Variants in PRPF40B observed in about 807,000 individuals in gnomAD.
PRPF40B encodes pre-mRNA-processing factor 40 homolog B.
Under a neutral mutation model 124.5 loss-of-function variants are expected in PRPF40B, and 56 were observed. That is an observed-to-expected ratio of 0.45 (90% CI 0.36 to 0.56). PRPF40B has a LOEUF of 0.56. Ranked by LOEUF, PRPF40B falls within the 20% of genes least tolerant of loss-of-function variation. PRPF40B has a pLI of 0.00. For synonymous variants in PRPF40B, 443 were observed against 426.4 expected, an observed-to-expected ratio of 1.04 and a Z score of -0.48; for missense variants, 1,053 against 1,169.5, an observed-to-expected ratio of 0.90 and a Z score of 1.45.
Position 49,630,606 on chromosome 12 carries a change from C to G in PRPF40B, c.65C>G (p.Pro22Arg). The G allele has an allele frequency of 7.5e-7, 1 of 1,325,114 alleles. No homozygotes were observed. The highest frequency in any genetic ancestry group is 1.1e-6 in the Non-Finnish European group (1 of 918,474). 82.1% of individuals were successfully genotyped at this position (1,325,114 alleles called of 1,614,324 possible). A position where few individuals can be genotyped will look rare whatever the true frequency, so the allele number is the denominator to read the frequency against. The change falls in exon 2 of 26, where the codon CCC (proline) becomes CGC (arginine). Residue 22 changes from proline to arginine, a missense_variant. Pro to Arg is a moderately radical substitution (Grantham distance 103). Transcript: ENST00000548825. ...AAPAPFPPGP[P>R]MMPPPFMPPP... ...CCTGCCCCCTTCCCACCGGGGCCCC[C>G]CATGATGCCACCACCCTTCGTAAGT...
chr12:49,624,454 C>G lies in PRPF40B; in HGVS notation c.3+861C>G, dbSNP rs1455968185. 2.0e-5 allele frequency among the ~76,000 whole-genome samples: 3 copies of G among 152,264 alleles called. No individual in the cohort carries two copies. The East Asian group carries it at 5.8e-4, about 29-fold the overall frequency. ...TTATCCTGTTGGAGGGATGGAAGAA[C>G]TCTAAGGAGAGGAGGAGGTTGAAAC... is the stretch of plus-strand genomic sequence containing the variant. On this transcript the variant is annotated intron_variant, in intron 1 of 25. Transcript: ENST00000548825.
At chr12:49,622,751 G>C (rs1940323396), upstream of PRPF40B, 1 of 152,338 alleles carries the variant, frequency 6.6e-6, no homozygotes, top group Admixed American at 6.5e-5. Flanking sequence ...GGGGAATAAA[G>C]GGAACAGGAA....
Position 49,631,477 on chromosome 12 carries a change from C to A in PRPF40B, c.161C>A (p.Pro54His). 2 of 1,532,744 alleles carry A rather than the reference C, an allele frequency of 1.3e-6. No homozygotes were observed. Among genetic ancestry groups the A allele is most frequent in the Non-Finnish European group, 1.7e-6 (2 of 1,145,454 alleles). 94.9% of individuals were successfully genotyped at this position (1,532,744 alleles called of 1,614,324 possible). A position where few individuals can be genotyped will look rare whatever the true frequency, so the allele number is the denominator to read the frequency against. The change falls in exon 3 of 26, where the codon CCC (proline) becomes CAC (histidine). Residue 54 changes from proline (P) to histidine (H), a missense_variant. Pro to His is a moderately conservative substitution (Grantham distance 77). Coordinates refer to ENST00000548825, the MANE Select transcript of PRPF40B (RefSeq NM_001031698.3). The surrounding 1 kb of genome is among the most constrained non-coding windows in gnomAD (Gnocchi z 4.3). ...PPMSQRPPAI[P>H]PMPPGILPPM... ...ATGAGTCAGAGACCACCAGCTATCC[C>A]CCCCATGCCACCTGGCATCCTGCCC...
chr12:49,642,637 C>T lies in PRPF40B; in HGVS notation c.2080C>T (p.Arg694Trp), dbSNP rs755027407. 3.7e-6 allele frequency: 6 copies of T among 1,614,184 alleles called. No individual in the cohort carries two copies. The highest frequency in any genetic ancestry group is 3.3e-5 in the Admixed American group (2 of 60,034). Residue 694 changes from arginine (R) to tryptophan (W), a missense_variant, in exon 21 of 26, where the codon CGG becomes TGG. Arg to Trp is a moderately radical substitution (Grantham distance 101, BLOSUM62 -3). Coordinates refer to ENST00000548825, the MANE Select transcript of PRPF40B (RefSeq NM_001031698.3). This position sits in a 1 kb window ranked among gnomAD's most constrained non-coding sequence, Gnocchi z 5.8. ...TGAGCAGATCACCCTGGAGTCGGAG[C>T]GGATCCGGCTCTTCCGGGAGTTCCT... ...AFEQITLESE[R>W]IRLFREFLQV...
chr12:49,640,798 G>A (rs1453523027), intron 18 of PRPF40B: 8 of 152,248 alleles, frequency 5.3e-5, no homozygotes, highest in Admixed American at 5.2e-4. Flanking sequence ...AAAGAGCAGA[G>A]GTAGTTAGCT....
At chr12:49,624,067 C>T (rs1418320078) in intron 1 of PRPF40B, 1 of 989,374 alleles carries the variant, frequency 1.0e-6, no homozygotes, top group African/African-American at 1.7e-5. Flanking sequence ...GCTTCACCTT[C>T]CTGCATTTGC....
rs1288464202 is a variant in PRPF40B, at chr12:49,633,982, C to T, written c.702C>T (p.Pro234=). ...PPVPPGPTPV[P]TGLLEPEPGG... ...TGCCTCCTGGCCCCACCCCAGTGCC[C>T]ACAGGCCTCCTGGAACCTGAGCCAG... The change falls in exon 10 of 26, where the codon CCC becomes CCT. Residue 234 remains proline, a synonymous_variant. Transcript: ENST00000548825. 6.2e-7 allele frequency: 1 copy of T among 1,614,098 alleles called. No individual in the cohort carries two copies. Among genetic ancestry groups the T allele is most frequent in the Non-Finnish European group, 8.5e-7 (1 of 1,180,036 alleles).
rs200375855 is a variant in PRPF40B, at chr12:49,636,761, G to A, written c.1472G>A (p.Arg491Gln). 7 of 1,614,192 alleles carry A rather than the reference G, an allele frequency of 4.3e-6. No individual in the cohort carries two copies. Among genetic ancestry groups the A allele is most frequent in the East Asian group, 4.5e-5 (2 of 44,888 alleles). The change falls in exon 16 of 26, where the codon CGA (arginine) becomes CAA (glutamine). Residue 491 changes from arginine (R) to glutamine (Q), a missense_variant. Arg to Gln is a conservative substitution (Grantham distance 43). Coordinates refer to ENST00000548825, the MANE Select transcript of PRPF40B (RefSeq NM_001031698.3). ...DALICFEEHI[R>Q]ALEREEEEER... ...CTGATCTGTTTTGAGGAGCACATCC[G>A]AGCTTTGGAGAGGGAAGAGGAGGAG... is the stretch of plus-strand genomic sequence containing the variant.
chr12:49,643,296 CAG>C lies in PRPF40B; in HGVS notation c.2282_2283del (p.Glu761ValfsTer4). 6.2e-7 allele frequency: 1 copy of C among 1,613,240 alleles called. No individual in the cohort carries two copies. The highest frequency in any genetic ancestry group is 8.5e-7 in the Non-Finnish European group (1 of 1,179,742). On this transcript the variant is annotated frameshift_variant, in exon 23 of 26. Transcript: ENST00000548825. LOFTEE classifies it high-confidence loss of function. ...CCCAAGCGGAGGAGGCGGAACCCCTCAGAGTCAGGCTCTGAGCCCTCTTCCTC... is the reference window on the plus strand; with the variant it reads ...CCCAAGCGGAGGAGGCGGAACCCCTCAGTCAGGCTCTGAGCCCTCTTCCTC...
At chr12:49,637,332 C>T (rs1288561283) in intron 16 of PRPF40B, 138 bp from the exon 17 acceptor site, 1 of 634,196 alleles carries the variant, frequency 1.6e-6, no homozygotes, top group African/African-American at 1.8e-5. Flanking sequence ...TGCATCTCTT[C>T]ATCTCTGCCT....
Position 49,631,272 on chromosome 12 carries a change from C to A in PRPF40B, c.85-129C>A. 1 of 611,144 alleles carries A rather than the reference C, an allele frequency of 1.6e-6. No individual in the cohort carries two copies. The highest frequency in any genetic ancestry group is 2.8e-6 in the Non-Finnish European group (1 of 363,408). 37.9% of individuals were successfully genotyped at this position (611,144 alleles called of 1,614,324 possible). A position where few individuals can be genotyped will look rare whatever the true frequency, so the allele number is the denominator to read the frequency against. Reference sequence around the variant, plus strand: ...TGCCTTGTGCTTCTCAAACTAAAGCCTTGGAATTGCCTCAGAGCAGGGTGG... The same window carrying A: ...TGCCTTGTGCTTCTCAAACTAAAGCATTGGAATTGCCTCAGAGCAGGGTGG... On this transcript the variant is annotated intron_variant, in intron 2 of 25. Transcript: ENST00000548825. The surrounding 1 kb of genome is among the most constrained non-coding windows in gnomAD (Gnocchi z 4.3).
chr12:49,640,504 T>G (rs1592612603), intron 18 of PRPF40B: 1 of 152,332 alleles, frequency 6.6e-6, no homozygotes, highest in East Asian at 1.9e-4. Flanking sequence ...AAGGCGGCCT[T>G]GGATTTGGCT....
rs1943058536 is a variant in PRPF40B at position 49,644,334 on chromosome 12, G to A, written c.*142G>A. On this transcript the variant is annotated 3_prime_UTR_variant, in exon 26 of 26. Transcript: ENST00000548825. ...CCCCACCCCCAGCACACCATTGTTGGCACCTCTCAAGGTTGCTCTTGGTGT... is the reference window on the plus strand; with the variant it reads ...CCCCACCCCCAGCACACCATTGTTGACACCTCTCAAGGTTGCTCTTGGTGT... 2.1e-6 allele frequency: 2 copies of A among 945,478 alleles called. No individual in the cohort carries two copies. Among genetic ancestry groups the A allele is most frequent in the Admixed American group, 4.2e-5 (2 of 48,020 alleles). The allele number at this position is 945,478 out of a possible 1,614,324, so 58.6% of individuals were successfully genotyped here.
At chr12:49,626,563 G>A (rs953881432) in intron 1 of PRPF40B, among the ~76,000 whole-genome samples, 2 of 152,156 alleles carry the variant, frequency 1.3e-5, no homozygotes, top group African/African-American at 4.8e-5. Flanking sequence ...AAAGAAATGT[G>A]TTTCACTTGA....
chr12:49,623,595 T>C lies in PRPF40B; in HGVS notation c.3+2T>C. 8.1e-7 allele frequency: 1 copy of C among 1,231,992 alleles called. No individual in the cohort carries two copies. Among genetic ancestry groups the C allele is most frequent in the Non-Finnish European group, 1.0e-6 (1 of 988,112 alleles). 76.3% of individuals were successfully genotyped at this position (1,231,992 alleles called of 1,614,324 possible). ...CAGCTGCTCGGAGGCTCTGGCATGG[T>C]AACATCCCCGCGCGGGGGTGGAGGG... is the stretch of plus-strand genomic sequence containing the variant. On this transcript the variant is annotated splice_donor_variant, in intron 1 of 25. Coordinates refer to ENST00000548825, the MANE Select transcript of PRPF40B (RefSeq NM_001031698.3). LOFTEE classifies it high-confidence loss of function.
intron 1 of PRPF40B, among the ~76,000 whole-genome samples, chr12:49,629,078 AGTTT>A (rs879594536): frequency 3.9e-5 from 6 of 152,182 alleles, no homozygotes; most frequent in East Asian, 3.8e-4. Context: ...ACTTACAGTG[AGTTT>A]GTTTGTTTTT....
chr12:49,632,995 T>TGGGGGGGGGC lies in PRPF40B; in HGVS notation c.349-18_349-17insGGGGGGGGCG. On this transcript the variant is annotated intron_variant, in intron 6 of 25. Coordinates refer to ENST00000548825, the MANE Select transcript of PRPF40B (RefSeq NM_001031698.3). Reference sequence around the variant, plus strand: ...AAAAGGGGCCTTGACCACCATTCTGTGCCCCCCCCCCCACCCAGAGGGCCC... The same window carrying TGGGGGGGGGC: ...AAAAGGGGCCTTGACCACCATTCTGTGGGGGGGGGCGCCCCCCCCCCCACCCAGAGGGCCC... The TGGGGGGGGGC allele has an allele frequency of 1.4e-5, 19 of 1,365,382 alleles. No homozygotes were observed. Among genetic ancestry groups the TGGGGGGGGGC allele is most frequent in the Non-Finnish European group, 1.7e-5 (17 of 979,204 alleles). The allele number at this position is 1,365,382 out of a possible 1,614,324, so 84.6% of individuals were successfully genotyped here. A position where few individuals can be genotyped will look rare whatever the true frequency, so the allele number is the denominator to read the frequency against.
intron 1 of PRPF40B, among the ~76,000 whole-genome samples, chr12:49,629,655 A>G (rs183796998): frequency 6.6e-6 from 1 of 152,380 alleles, no homozygotes; most frequent in East Asian, 1.9e-4. Flanking sequence ...TGGGGAAAAC[A>G]TATCCAGGCA....
At chr12:49,641,750 G>A (rs1374938104) in intron 18 of PRPF40B, 158 bp from the exon 19 acceptor site, 1 of 617,008 alleles carries the variant, frequency 1.6e-6, no homozygotes, top group Non-Finnish European at 2.9e-6. Flanking sequence ...GTCAAGTGAT[G>A]AGGACTTGGA....
Sources: gnomAD v4.1 joint callset for allele counts (sites outside exome capture counted in the v4.1 genomes callset) on GRCh38, gnomAD v4.1.1 for gene constraint, Gnocchi (gnomAD v3.1) non-coding constraint, MANE v1.5 for transcripts, NCBI Gene and HGNC (gene_info 2026-07-23, HGNC 2026-07-21) for gene names.